Variants in GAB2 observed in about 807,000 individuals in gnomAD.
GAB2 encodes GRB2-associated-binding protein 2.
In GAB2, 26 loss-of-function variants were observed where a neutral mutation model predicts 65.5. The ratio of observed to expected loss-of-function variants is 0.40; its 90% CI spans 0.29 to 0.55. GAB2 has a LOEUF of 0.55. Among genes scored for constraint, GAB2 ranks in the 20% least tolerant of loss-of-function variants. GAB2 has a pLI of 0.53. For synonymous variants in GAB2, 321 were observed against 329.6 expected (o/e 0.97, Z 0.28); for missense variants, 884 against 875.8 (o/e 1.01, Z -0.12).
intron 1 of GAB2, among the ~76,000 whole-genome samples, chr11:78,292,003 G>GGTGTGTGT (rs71877307): frequency 6.8e-6 from 1 of 147,794 alleles, no homozygotes; most frequent in African/African-American, 2.5e-5. Context: ...GGTGTGTAGG[G>GGTGTGTGT]GTGTGTGTGT....
intron 2 of GAB2, among the ~76,000 whole-genome samples, chr11:78,263,383 C>T (rs1865785919): frequency 6.6e-6 from 1 of 152,076 alleles, no homozygotes; most frequent in Non-Finnish European, 1.5e-5. Flanking sequence ...CCTGTAATCC[C>T]AGCATTTTGG....
chr11:78,416,779 TAAA>T (rs5792806), intron 1 of GAB2, among the ~76,000 whole-genome samples: 38 of 116,192 alleles, frequency 3.3e-4, no homozygotes, highest in Admixed American at 6.9e-4. Context: ...GGAGAGGGGT[TAAA>T]AAAAAAAAAA....
intron 8 of GAB2, 69 bp downstream of exon 8, chr11:78,221,608 G>A: frequency 2.3e-6 from 2 of 872,248 alleles, no homozygotes; most frequent in Non-Finnish European, 3.7e-6. Flanking sequence ...AAGCTGGGAA[G>A]TGGGGAACTG....
At chr11:78,221,851 G>GC (rs751348883) in intron 7 of GAB2, 72 bp from the exon 8 acceptor site, 17 of 1,068,504 alleles carry the variant, frequency 1.6e-5, no homozygotes, top group Non-Finnish European at 2.1e-5. Context: ...CTCCAGCTGG[G>GC]CCCTGACCCT....
chr11:78,378,085 G>T (rs1856653771), intron 1 of GAB2, among the ~76,000 whole-genome samples: 1 of 152,170 alleles, frequency 6.6e-6, no homozygotes, highest in Non-Finnish European at 1.5e-5. Context: ...TAATGGCTCA[G>T]TCCAGGGGTA....
At chr11:78,391,045 A>G (rs144640078) in intron 1 of GAB2, among the ~76,000 whole-genome samples, 31 of 152,338 alleles carry the variant, frequency 2.0e-4, no homozygotes, top group Middle Eastern at 6.8e-3. Flanking sequence ...AAAGATTCAA[A>G]GGAGACTTTA....
rs191225916 is a variant in GAB2 at position 78,250,409 on chromosome 11, G to C, written c.377-9C>G. 2.8e-4 allele frequency: 454 copies of C among 1,611,298 alleles called. 3 individuals are homozygous for C. The South Asian group carries it at 3.1e-3, about 11-fold the overall frequency. ...AACATTTCTCAGGGAGTCTGAAAAG[G>C]AGAAATAGCTCTGTGAATGAAAAAG... On this transcript the variant is annotated splice_polypyrimidine_tract_variant and intron_variant, in intron 2 of 9. Coordinates refer to ENST00000361507, the MANE Select transcript of GAB2 (RefSeq NM_080491.3).
At chr11:78,279,055 C>A (rs949076057) in intron 2 of GAB2, among the ~76,000 whole-genome samples, 6 of 152,048 alleles carry the variant, frequency 3.9e-5, no homozygotes, top group Non-Finnish European at 8.8e-5. Context: ...ACAAAAACAA[C>A]CTCCATGAAA....
chr11:78,220,282 A>T (rs2134451731), intron 9 of GAB2, 37 bp downstream of exon 9: 1 of 1,610,296 alleles, frequency 6.2e-7, no homozygotes, highest in Non-Finnish European at 8.5e-7. Flanking sequence ...CGGGACCCTG[A>T]GAGCTCTTAC....
chr11:78,311,701 T>A (rs533528023), intron 1 of GAB2, among the ~76,000 whole-genome samples: 1 of 152,322 alleles, frequency 6.6e-6, no homozygotes, highest in African/African-American at 2.4e-5. Flanking sequence ...CTCCATGCAT[T>A]TGTTTATTCA....
chr11:78,346,991 C>CAA (rs2134699101), intron 1 of GAB2, among the ~76,000 whole-genome samples: 2 of 151,872 alleles, frequency 1.3e-5, no homozygotes, highest in African/African-American at 4.8e-5. Flanking sequence ...CAGACTGACT[C>CAA]ACTATTTGTT....
intron 1 of GAB2, among the ~76,000 whole-genome samples, chr11:78,320,733 T>A (rs1855707392): frequency 6.7e-6 from 1 of 149,764 alleles, no homozygotes; most frequent in Non-Finnish European, 1.5e-5. Context: ...GCCTTTTTTT[T>A]TTTTTTTTTT....
rs148029980 is a variant in GAB2 at position 78,267,465 on chromosome 11, TG to T, written c.376+13135del. On this transcript the variant is annotated intron_variant, in intron 2 of 9. Coordinates refer to ENST00000361507, the MANE Select transcript of GAB2 (RefSeq NM_080491.3). The stretch of plus-strand genomic sequence containing the variant: ...TTGTGCACTTTTAGAAATGGACACA[TG>T]GGGCGGCCAATTTTTAATAATGTCA... 8.0e-3 allele frequency among the ~76,000 whole-genome samples: 1,219 copies of T among 152,228 alleles called. 18 individuals are homozygous for T. Among genetic ancestry groups the T allele is most frequent in the African/African-American group, 0.027 (1,132 of 41,542 alleles).
chr11:78,266,237 A>AAAAAAAAC, intron 2 of GAB2, among the ~76,000 whole-genome samples: 1 of 150,464 alleles, frequency 6.6e-6, no homozygotes, highest in African/African-American at 2.5e-5. Flanking sequence ...AAAAAAAAAA[A>AAAAAAAAC]ATCATGTGGA....
chr11:78,301,004 TTTTAA>T (rs1867003815), intron 1 of GAB2, among the ~76,000 whole-genome samples: 1 of 152,098 alleles, frequency 6.6e-6, no homozygotes, highest in African/African-American at 2.4e-5. Context: ...CTCGCTGTGG[TTTTAA>T]TTTCCATTTC....
At position 78,280,161 on chromosome 11, in the gene GAB2, G is replaced by A. The variant is rs1304215667; in HGVS notation, c.376+440C>T. ...CGTCAATAATCATCACAAAGAACCC[G>A]CACAAACAAGGGTCAAGTGTGACTG... On this transcript the variant is annotated intron_variant, in intron 2 of 9. Transcript: ENST00000361507. 3.9e-5 allele frequency among the ~76,000 whole-genome samples: 6 copies of A among 152,142 alleles called. No homozygotes were observed. In the East Asian group the frequency reaches 5.8e-4, roughly 15 times the overall value.
chr11:78,280,636 T>A lies in GAB2; in HGVS notation c.341A>T (p.Gln114Leu). ...DMNKWVQSIC[Q>L]ICGFNQAEES... Reference sequence around the variant, plus strand: ...CTCAGCCTGATTGAAGCCACAGATCTGGCAGATGCTCTGGACCCACTTATT... The same window carrying A: ...CTCAGCCTGATTGAAGCCACAGATCAGGCAGATGCTCTGGACCCACTTATT... The change falls in exon 2 of 10, where the codon CAG (glutamine) becomes CTG (leucine). Residue 114 changes from glutamine to leucine, a missense_variant. Transcript: ENST00000361507. 6.2e-7 allele frequency: 1 copy of A among 1,614,166 alleles called. No individual in the cohort carries two copies. Among genetic ancestry groups the A allele is most frequent in the Non-Finnish European group, 8.5e-7 (1 of 1,179,996 alleles).
intron 3 of GAB2, among the ~76,000 whole-genome samples, chr11:78,231,010 G>A (rs1386837484): frequency 6.6e-6 from 1 of 152,230 alleles, no homozygotes; most frequent in Non-Finnish European, 1.5e-5. Flanking sequence ...GCTTACAGAA[G>A]CCTTATAAAA....
intron 2 of GAB2, among the ~76,000 whole-genome samples, chr11:78,278,599 G>A (rs751726304): frequency 5.3e-5 from 8 of 151,402 alleles, no homozygotes; most frequent in African/African-American, 1.5e-4. Flanking sequence ...GGATGGTCTC[G>A]AACTCCAGGC....
Sources: allele counts gnomAD v4.1 joint callset (sites outside exome capture counted in the v4.1 genomes callset), GRCh38; gene constraint gnomAD v4.1.1; transcripts MANE v1.5; gene names NCBI Gene and HGNC (gene_info 2026-07-23, HGNC 2026-07-21).